Variants in SAMD4A observed in about 807,000 individuals in gnomAD.
The protein encoded by SAMD4A is sterile alpha motif domain containing 4A.
In SAMD4A, 33 loss-of-function variants were observed where a neutral mutation model predicts 81.3. The ratio of observed to expected loss-of-function variants is 0.41; its 90% CI spans 0.31 to 0.54. The LOEUF (loss-of-function observed/expected upper bound fraction) is 0.54. Among genes scored for constraint, SAMD4A ranks in the 20% least tolerant of loss-of-function variants. The pLI is 0.37. For synonymous variants in SAMD4A, 389 were observed against 382.1 expected (o/e 1.02, Z -0.21); for missense variants, 854 against 951.1 (o/e 0.90, Z 1.34).
At chr14:54,666,005 C>T (rs2035749411) in intron 2 of SAMD4A, among the ~76,000 whole-genome samples, 1 of 152,130 alleles carries the variant, frequency 6.6e-6, no homozygotes, top group African/African-American at 2.4e-5. Context: ...CAAATTGCTT[C>T]TATGTTGTTC....
At chr14:54,739,649 T>A (rs77032310) in intron 4 of SAMD4A, among the ~76,000 whole-genome samples, 1,985 of 152,284 alleles carry the variant, frequency 0.013, 43 homozygotes, top group African/African-American at 0.045. Flanking sequence ...AACACTAGCA[T>A]TCCGAAGTGT....
intron 4 of SAMD4A, among the ~76,000 whole-genome samples, chr14:54,743,829 T>C (rs1671604009): frequency 1.3e-5 from 2 of 152,344 alleles, no homozygotes; most frequent in African/African-American, 4.8e-5. Context: ...CTGCTCTCTT[T>C]TGCACAAAGG....
At chr14:54,774,890 G>A (rs2038800560) in intron 9 of SAMD4A, 44 bp from the exon 10 acceptor site, 1 of 1,601,066 alleles carries the variant, frequency 6.2e-7, no homozygotes, top group Non-Finnish European at 8.6e-7. Flanking sequence ...AAAAAGGGCT[G>A]AATAACGACT....
In SAMD4A at chr14:54,753,112, C is replaced by G. The variant is rs562035718; in HGVS notation, c.1176+1575C>G. ...GGGGCAGGCAGGAGACAGTGGCCTT[C>G]CTCTATCTCAACTGCAAGAGGCTTT... On this transcript the variant is annotated intron_variant, in intron 6 of 12. Transcript: ENST00000554335. Among the ~76,000 whole-genome samples the G allele has an allele frequency of 5.9e-5, 9 of 152,336 alleles. No homozygotes were observed. In the South Asian group the frequency reaches 1.9e-3, roughly 32 times the overall value.
chr14:54,607,486 T>C (rs1338028621), intron 2 of SAMD4A, among the ~76,000 whole-genome samples: 4 of 151,236 alleles, frequency 2.6e-5, no homozygotes, highest in Admixed American at 1.3e-4. Context: ...GACGGAGTCT[T>C]GCTCTGTCGC....
chr14:54,786,429 AG>A (rs1269598004), intron 12 of SAMD4A, among the ~76,000 whole-genome samples: 1 of 152,240 alleles, frequency 6.6e-6, no homozygotes, highest in Non-Finnish European at 1.5e-5. Context: ...ATACTTTCAA[AG>A]GGTGCAATTT....
At chr14:54,681,320 C>T (rs1309660139) in intron 2 of SAMD4A, among the ~76,000 whole-genome samples, 1 of 152,078 alleles carries the variant, frequency 6.6e-6, no homozygotes, top group African/African-American at 2.4e-5. Context: ...AAAAAGTACT[C>T]CACAGATGAT....
At chr14:54,715,169 A>C (rs1354720074) in intron 3 of SAMD4A, among the ~76,000 whole-genome samples, 1 of 152,122 alleles carries the variant, frequency 6.6e-6, no homozygotes, top group Non-Finnish European at 1.5e-5. Context: ...GGGAAGTGTG[A>C]CCAGTCCCAA....
chr14:54,612,803 G>C (rs75973458), intron 2 of SAMD4A, among the ~76,000 whole-genome samples: 2,608 of 152,220 alleles, frequency 0.017, 73 homozygotes, highest in African/African-American at 0.06. Context: ...GTCAGTAGCA[G>C]AAAGAGCTGC....
chr14:54,575,365 G>A (rs2033258217), intron 2 of SAMD4A, among the ~76,000 whole-genome samples: 1 of 152,204 alleles, frequency 6.6e-6, no homozygotes, highest in South Asian at 2.1e-4. Flanking sequence ...ACTGGCCCAG[G>A]TGGTTTCCTA....
chr14:54,665,167 A>G (rs1385068643), intron 2 of SAMD4A, among the ~76,000 whole-genome samples: 3 of 152,216 alleles, frequency 2.0e-5, no homozygotes, highest in Non-Finnish European at 4.4e-5. Context: ...GAAGAATAAC[A>G]TTTTACAGTG....
chr14:54,729,870 A>G (rs151013020), intron 3 of SAMD4A, among the ~76,000 whole-genome samples: 169 of 152,288 alleles, frequency 1.1e-3, no homozygotes, highest in African/African-American at 3.7e-3. Flanking sequence ...GATGAAATTT[A>G]CTGATTTCTA....
intron 2 of SAMD4A, among the ~76,000 whole-genome samples, chr14:54,569,358 T>C (rs1367649332): frequency 6.6e-6 from 1 of 152,164 alleles, no homozygotes; most frequent in Non-Finnish European, 1.5e-5. Context: ...GATGCTTCCA[T>C]ATATAGAATC....
intron 5 of SAMD4A, among the ~76,000 whole-genome samples, 195 bp from the exon 6 acceptor site, chr14:54,751,256 C>CA (rs749211306): frequency 2.6e-5 from 4 of 151,982 alleles, no homozygotes; most frequent in Admixed American, 6.6e-5. Context: ...GACCCTGTCT[C>CA]AAAAAATAAT....
intron 2 of SAMD4A, among the ~76,000 whole-genome samples, chr14:54,681,521 C>T (rs2036128074): frequency 6.6e-6 from 1 of 152,100 alleles, no homozygotes; most frequent in Non-Finnish European, 1.5e-5. Flanking sequence ...CCTTGAACTC[C>T]CTGACTCAAG....
At chr14:54,620,813 G>A (rs1052561960) in intron 2 of SAMD4A, among the ~76,000 whole-genome samples, 10 of 152,176 alleles carry the variant, frequency 6.6e-5, no homozygotes, top group Non-Finnish European at 1.5e-5. Context: ...AGGTTGGAGT[G>A]CAGTAGCACA....
At chr14:54,771,097 A>G (rs1486764077) in intron 9 of SAMD4A, among the ~76,000 whole-genome samples, 1 of 152,210 alleles carries the variant, frequency 6.6e-6, no homozygotes, top group Admixed American at 6.5e-5. Flanking sequence ...TTATTTGCGT[A>G]AGCGTGCCTT....
chr14:54,568,736 TATATAA>T (rs1566524880), intron 2 of SAMD4A, among the ~76,000 whole-genome samples: 4 of 98,504 alleles, frequency 4.1e-5, no homozygotes, highest in Admixed American at 1.2e-4. Context: ...TATATATATA[TATATAA>T]TGCGGTTAAG....
chr14:54,698,127 G>T (rs1316224519), intron 2 of SAMD4A, among the ~76,000 whole-genome samples: 1 of 152,228 alleles, frequency 6.6e-6, no homozygotes, highest in Non-Finnish European at 1.5e-5. Context: ...TTTCAAAGAG[G>T]TGTGTCAAAT....
Sources: allele counts gnomAD v4.1 joint callset (sites outside exome capture counted in the v4.1 genomes callset), GRCh38; gene constraint gnomAD v4.1.1; transcripts MANE v1.5; gene names NCBI Gene and HGNC (gene_info 2026-07-23, HGNC 2026-07-21).